The following CELF2 variants were observed in gnomAD, a reference collection of about 807,000 sequenced individuals.
The protein encoded by CELF2 is CUGBP Elav-like family member 2.
A neutral mutation model predicts 62.6 loss-of-function variants in CELF2; 8 were observed. That is an observed-to-expected ratio of 0.13 (90% CI 0.07 to 0.23). The LOEUF is 0.23. Among genes scored for constraint, CELF2 ranks in the 10% least tolerant of loss-of-function variants. CELF2 has a pLI of 1.00. For synonymous variants in CELF2, 258 were observed against 250.0 expected, an observed-to-expected ratio of 1.03 and a Z score of -0.30; for missense variants, 333 against 671.0, an observed-to-expected ratio of 0.50 and a Z score of 5.56.
Position 11,270,782 on chromosome 10 carries a change from G to A in CELF2, c.735G>A (p.Gly245=), listed in dbSNP as rs942925205. The change falls in exon 7 of 13, where the codon GGG becomes GGA. Residue 245 remains glycine, a synonymous_variant. Transcript: ENST00000633077. The surrounding 1 kb of genome is among the most constrained non-coding windows in gnomAD (Gnocchi z 5.8). The part of the protein sequence containing the change: ...QMQQLNTATW[G]NLTGLGGLTP... Reference sequence around the variant, plus strand: ...AGCAGCTCAACACTGCCACCTGGGGGAACCTGACAGGGCTGGGCGGACTGA... The same window carrying A: ...AGCAGCTCAACACTGCCACCTGGGGAAACCTGACAGGGCTGGGCGGACTGA... 1.3e-6 allele frequency: 2 copies of A among 1,538,636 alleles called. No individual in the cohort carries two copies. The highest frequency in any genetic ancestry group is 1.8e-6 in the Non-Finnish European group (2 of 1,137,392).
intron 2 of CELF2, among the ~76,000 whole-genome samples, chr10:10,985,107 A>G (rs971415501): frequency 5.3e-5 from 8 of 152,204 alleles, no homozygotes; most frequent in Non-Finnish European, 7.3e-5. Flanking sequence ...CGTTCTATGT[A>G]TAACATCTAC....
At chr10:10,481,402 T>C in the CELF2 span, among the ~76,000 whole-genome samples, 1 of 152,226 alleles carries the variant, frequency 6.6e-6, no homozygotes, top group East Asian at 1.9e-4. Flanking sequence ...AATGAGTACA[T>C]GAGCTAATTA....
At chr10:10,735,044 A>T in the CELF2 span, among the ~76,000 whole-genome samples, 1 of 152,218 alleles carries the variant, frequency 6.6e-6, no homozygotes, top group African/African-American at 2.4e-5. Context: ...TGGGAAATTC[A>T]TCTTCTGAGT....
chr10:11,185,025 C>T (rs1030082588), intron 2 of CELF2, among the ~76,000 whole-genome samples: 1 of 152,020 alleles, frequency 6.6e-6, no homozygotes, highest in South Asian at 2.1e-4. Context: ...TCACAAATGC[C>T]CTTTATCAAG....
At chr10:11,183,668 C>G (rs768170385) in intron 2 of CELF2, among the ~76,000 whole-genome samples, 7 of 152,088 alleles carry the variant, frequency 4.6e-5, no homozygotes, top group Non-Finnish European at 1.0e-4. Context: ...TCATTATGGT[C>G]TTAATTTTAA....
the CELF2 span, among the ~76,000 whole-genome samples, chr10:10,713,314 G>A: frequency 1.3e-5 from 2 of 152,128 alleles, no homozygotes; most frequent in Non-Finnish European, 2.9e-5. Flanking sequence ...TCACTGGAAG[G>A]CATGTCCCTT....
intron 1 of CELF2, among the ~76,000 whole-genome samples, chr10:10,800,250 T>C (rs532529822): frequency 1.7e-3 from 252 of 152,366 alleles, no homozygotes; most frequent in African/African-American, 5.7e-3. Context: ...TGTGCTATTT[T>C]ATAATCTGCT....
intron 2 of CELF2, chr10:10,948,530 T>C (rs1021846502): frequency 2.6e-5 from 4 of 152,156 alleles, no homozygotes; most frequent in Non-Finnish European, 5.9e-5. Context: ...AAGCTTTATA[T>C]AAATTTGTGG....
intron 1 of CELF2, among the ~76,000 whole-genome samples, chr10:11,066,211 G>A (rs1359094771): frequency 6.6e-6 from 1 of 152,136 alleles, no homozygotes; most frequent in Non-Finnish European, 1.5e-5. Flanking sequence ...TGTGTGCCTT[G>A]ACATTCATCA....
Position 11,316,426 on chromosome 10 carries a change from C to T in CELF2, c.1096+2168C>T, listed in dbSNP as rs2094988189. On this transcript the variant is annotated intron_variant, in intron 10 of 12. Coordinates refer to ENST00000633077, the MANE Select transcript of CELF2 (RefSeq NM_001326342.2). This position sits in a 1 kb window ranked among gnomAD's most constrained non-coding sequence, Gnocchi z 4.4. ...ATTGACCTCGAGCTAATATTTGCTG[C>T]TTGTCTCTAAATATCAACAGAAAAC... Among the ~76,000 whole-genome samples the T allele has an allele frequency of 6.6e-6, 1 of 152,216 alleles. No homozygotes were observed. Among genetic ancestry groups the T allele is most frequent in the African/African-American group, 2.4e-5 (1 of 41,452 alleles).
chr10:11,272,003 A>G (rs2083988558), intron 7 of CELF2, among the ~76,000 whole-genome samples: 2 of 152,208 alleles, frequency 1.3e-5, no homozygotes, highest in Non-Finnish European at 1.5e-5. Context: ...CCGGCTGGCC[A>G]TACTGCCTCT....
At chr10:10,825,193 GT>G (rs1021012068) in intron 1 of CELF2, among the ~76,000 whole-genome samples, 2 of 151,830 alleles carry the variant, frequency 1.3e-5, no homozygotes, top group Non-Finnish European at 2.9e-5. Context: ...TTTTGTTGTT[GT>G]TTTTTTGTTT....
chr10:11,055,649 A>G (rs1291832), intron 1 of CELF2, among the ~76,000 whole-genome samples: 59,603 of 152,108 alleles, frequency 0.39, 13,943 homozygotes, highest in African/African-American at 0.64. Context: ...GTGGAAAGAC[A>G]TTCTTTGCTA....
chr10:10,904,461 G>A (rs1000006573), intron 1 of CELF2, among the ~76,000 whole-genome samples: 1 of 151,976 alleles, frequency 6.6e-6, no homozygotes, highest in African/African-American at 2.4e-5. Flanking sequence ...TGAACTCCTG[G>A]CCTCAAGCCA....
chr10:10,775,091 G>A, the CELF2 span, among the ~76,000 whole-genome samples: 1 of 152,002 alleles, frequency 6.6e-6, no homozygotes, highest in Admixed American at 6.5e-5. Context: ...TGGCTAGGCT[G>A]GTCTTGGCCT....
At chr10:11,130,027 T>C (rs1213507124) in intron 1 of CELF2, among the ~76,000 whole-genome samples, 1 of 152,270 alleles carries the variant, frequency 6.6e-6, no homozygotes, top group African/African-American at 2.4e-5. Flanking sequence ...TAAATTTCCC[T>C]CTACACACTG....
intron 1 of CELF2, among the ~76,000 whole-genome samples, chr10:10,858,974 A>G (rs552003113): frequency 7.6e-4 from 115 of 152,288 alleles, no homozygotes; most frequent in African/African-American, 2.6e-3. Context: ...ATTTTTAGAT[A>G]CCCACAAGTG....
At chr10:10,833,144 C>A (rs761685452) in intron 1 of CELF2, among the ~76,000 whole-genome samples, 1 of 152,020 alleles carries the variant, frequency 6.6e-6, no homozygotes, top group African/African-American at 2.4e-5. Flanking sequence ...CATTCTCATG[C>A]ATAAAACTTT....
At position 11,149,093 on chromosome 10, in the gene CELF2, C is replaced by T. The variant is rs180952973; in HGVS notation, c.75-16393C>T. ...AGGTGTTTTTTTTTCTTTCCCAAGT[C>T]GGAGTCTCCTTCTGTCACCCAGGCT... On this transcript the variant is annotated intron_variant, in intron 1 of 12. Coordinates refer to ENST00000633077, the MANE Select transcript of CELF2 (RefSeq NM_001326342.2). 3.5e-3 allele frequency among the ~76,000 whole-genome samples: 532 copies of T among 152,150 alleles called. 3 individuals are homozygous for T. Among genetic ancestry groups the T allele is most frequent in the African/African-American group, 0.012 (495 of 41,514 alleles).
Sources: gnomAD v4.1 joint callset for allele counts (sites outside exome capture counted in the v4.1 genomes callset) on GRCh38, gnomAD v4.1.1 for gene constraint, Gnocchi (gnomAD v3.1) non-coding constraint, MANE v1.5 for transcripts, NCBI Gene and HGNC (gene_info 2026-07-23, HGNC 2026-07-21) for gene names.